HCN3: variants seen among roughly 807,000 people sequenced by gnomAD.
HCN3 encodes potassium/sodium hyperpolarization-activated cyclic nucleotide-gated channel 3.
Under a neutral mutation model 56.8 loss-of-function variants are expected in HCN3, and 36 were observed. The observed-to-expected ratio is 0.63, with a 90% CI of 0.49 to 0.84. The LOEUF (loss-of-function observed/expected upper bound fraction) is 0.84. HCN3 is among the 40% of genes least tolerant of loss of function. The pLI is 0.00. For synonymous variants in HCN3, 425 were observed against 439.7 expected (o/e 0.97, Z 0.42); for missense variants, 930 against 1,079.3 (o/e 0.86, Z 1.94).
rs1208414404 is a variant in HCN3, at chr1:155,289,417, G to A, written c.*954G>A. 6.6e-6 allele frequency: 1 copy of A among 152,236 alleles called. No homozygotes were observed. The highest frequency in any genetic ancestry group is 1.5e-5 in the Non-Finnish European group (1 of 68,056). The allele number at this position is 152,236 out of a possible 1,614,324, so 9.4% of individuals were successfully genotyped here. On this transcript the variant is annotated 3_prime_UTR_variant, in exon 8 of 8. Coordinates refer to ENST00000368358, the MANE Select transcript of HCN3 (RefSeq NM_020897.3). ...TAAGGAGACAGGAGGAGTAGGAGGAGGCAGGGCCTCTCCATGCCAGCCTCT... is the reference window on the plus strand; with the variant it reads ...TAAGGAGACAGGAGGAGTAGGAGGAAGCAGGGCCTCTCCATGCCAGCCTCT...
At chr1:155,286,026 C>G (rs1281947315) in intron 6 of HCN3, 62 bp downstream of exon 6, 1 of 1,525,102 alleles carries the variant, frequency 6.6e-7, no homozygotes, top group Non-Finnish European at 8.8e-7. Context: ...GCAACTGCTC[C>G]CAGGCTCTGG....
At chr1:155,287,591 G>T (rs745418806) in intron 7 of HCN3, among the ~76,000 whole-genome samples, 190 bp from the exon 8 acceptor site, 1 of 151,256 alleles carries the variant, frequency 6.6e-6, no homozygotes, top group Admixed American at 6.6e-5. Flanking sequence ...CCTGACCCTC[G>T]CTGTCTCTGA....
rs78333507 is a variant in HCN3 at position 155,287,879 on chromosome 1, A to G, written c.1741A>G (p.Met581Val). 5 of 1,614,042 alleles carry G rather than the reference A, an allele frequency of 3.1e-6. No individual in the cohort carries two copies. The Admixed American group carries it at 6.7e-5, about 22-fold the overall frequency. ...GCACTTGGTGCAACATGACAGAGAC[A>G]TGGCTCGGGGTGTTCGGGGTCGGGC... is the stretch of plus-strand genomic sequence containing the variant. ...EQHLVQHDRD[M>V]ARGVRGRAPS... is the part of the protein sequence containing the mutation. Residue 581 changes from methionine (M) to valine (V), a missense_variant, in exon 8 of 8, where the codon ATG becomes GTG. Transcript: ENST00000368358.
In HCN3 at chr1:155,288,477, A is replaced by T. The variant is rs1557952998; in HGVS notation, c.*14A>T. The T allele has an allele frequency of 3.2e-6, 5 of 1,570,262 alleles. No homozygotes were observed. The highest frequency in any genetic ancestry group is 4.3e-6 in the Non-Finnish European group (5 of 1,159,896). ...GCCAACATGTAAAACCTTTGAGTAC[A>T]TCCAGCCTTAGTTCTTGGGGTGCAG... On this transcript the variant is annotated 3_prime_UTR_variant, in exon 8 of 8. Transcript: ENST00000368358. The surrounding 1 kb of genome is among the most constrained non-coding windows in gnomAD (Gnocchi z 6.5).
chr1:155,287,824 T>G lies in HCN3; in HGVS notation c.1686T>G (p.Ser562Arg). The change falls in exon 8 of 8, where the codon AGT becomes AGG. Residue 562 changes from serine to arginine, a missense_variant. Physicochemically the swap from Ser to Arg is moderately radical, Grantham distance 110. Coordinates refer to ENST00000368358, the MANE Select transcript of HCN3 (RefSeq NM_020897.3). ...TGCAGCGGAAGCGCTCCGAGCCAAG[T>G]CCAGGCAGCAGTGGTGGCATCATGG... is the stretch of plus-strand genomic sequence containing the variant. ...SILQRKRSEP[S>R]PGSSGGIMEQ... 6.2e-7 allele frequency: 1 copy of G among 1,608,482 alleles called. No individual in the cohort carries two copies. Among genetic ancestry groups the G allele is most frequent in the Non-Finnish European group, 8.5e-7 (1 of 1,176,064 alleles).
Position 155,284,327 on chromosome 1 carries a change from AG to A in HCN3, c.870+194del. The A allele has an allele frequency of 1.2e-6, 1 of 847,598 alleles. No individual in the cohort carries two copies. Among genetic ancestry groups the A allele is most frequent in the Non-Finnish European group, 1.8e-6 (1 of 561,300 alleles). 52.5% of individuals were successfully genotyped at this position (847,598 alleles called of 1,614,324 possible). A position where few individuals can be genotyped will look rare whatever the true frequency, so the allele number is the denominator to read the frequency against. On this transcript the variant is annotated intron_variant, in intron 3 of 7. Transcript: ENST00000368358. The surrounding 1 kb of genome is among the most constrained non-coding windows in gnomAD (Gnocchi z 4.3). ...CTCGTGTGTTGGAGGGAGCAGGCAA[AG>A]GAAGGGTACCTACCCGGAAGCTGAG... is the stretch of plus-strand genomic sequence containing the variant.
Position 155,283,837 on chromosome 1 carries a change from G to A in HCN3, c.709-137G>A, listed in dbSNP as rs527717222. 5.1e-5 allele frequency: 43 copies of A among 848,416 alleles called. 1 individual carries two copies. The African/African-American group carries it at 6.0e-4, about 12-fold the overall frequency. 52.6% of individuals were successfully genotyped at this position (848,416 alleles called of 1,614,324 possible). A position where few individuals can be genotyped will look rare whatever the true frequency, so the allele number is the denominator to read the frequency against. On this transcript the variant is annotated intron_variant, in intron 2 of 7. Coordinates refer to ENST00000368358, the MANE Select transcript of HCN3 (RefSeq NM_020897.3). ...GTGTGCCACAAAACTCCACACAAATGAATAATAGTTGTATTTTTTAATTCA... is the reference window on the plus strand; with the variant it reads ...GTGTGCCACAAAACTCCACACAAATAAATAATAGTTGTATTTTTTAATTCA...
Position 155,287,935 on chromosome 1 carries a change from G to A in HCN3, c.1797G>A (p.Lys599=). ...APSTGAQLSG[K]PVLWEPLVHA... ...GCACAGGAGCTCAGCTTAGTGGAAAGCCAGTACTGTGGGAGCCACTGGTAC... is the reference window on the plus strand; with the variant it reads ...GCACAGGAGCTCAGCTTAGTGGAAAACCAGTACTGTGGGAGCCACTGGTAC... The change falls in exon 8 of 8, where the codon AAG becomes AAA. Residue 599 remains lysine (K), a synonymous_variant. Coordinates refer to ENST00000368358, the MANE Select transcript of HCN3 (RefSeq NM_020897.3). 6.2e-7 allele frequency: 1 copy of A among 1,614,062 alleles called. No individual in the cohort carries two copies. Among genetic ancestry groups the A allele is most frequent in the Non-Finnish European group, 8.5e-7 (1 of 1,180,016 alleles).
Position 155,285,138 on chromosome 1 carries a change from G to T in HCN3, c.1090-27G>T. On this transcript the variant is annotated intron_variant, in intron 4 of 7. Transcript: ENST00000368358. This position sits in a 1 kb window ranked among gnomAD's most constrained non-coding sequence, Gnocchi z 4.5. ...CCCAAATCTCTCCCTCTGTCCTCTT[G>T]CCCCTGGCAATGGGCTGGCCCTCCA... The T allele has an allele frequency of 6.2e-7, 1 of 1,609,586 alleles. No homozygotes were observed. The highest frequency in any genetic ancestry group is 1.1e-5 in the South Asian group (1 of 90,822).
chr1:155,280,072 G>C (rs907307594), intron 1 of HCN3, among the ~76,000 whole-genome samples: 1 of 151,650 alleles, frequency 6.6e-6, no homozygotes, highest in African/African-American at 2.4e-5. Context: ...TCAGCCTCCT[G>C]AGTAGCTGAG....
At position 155,282,986 on chromosome 1, in the gene HCN3, G is replaced by A. The variant is rs1413946072; in HGVS notation, c.708+146G>A. 8.7e-6 allele frequency: 7 copies of A among 805,536 alleles called. No individual in the cohort carries two copies. Among genetic ancestry groups the A allele is most frequent in the East Asian group, 2.7e-5 (1 of 37,348 alleles). The allele number at this position is 805,536 out of a possible 1,614,324, so 49.9% of individuals were successfully genotyped here. A position where few individuals can be genotyped will look rare whatever the true frequency, so the allele number is the denominator to read the frequency against. ...TGTGGGGAAGATGGGTGGGGCTTCC[G>A]TGCGTGAGCTCTCTCCAAAACTGGT... is the stretch of plus-strand genomic sequence containing the variant. On this transcript the variant is annotated intron_variant, in intron 2 of 7. Transcript: ENST00000368358. The surrounding 1 kb of genome is among the most constrained non-coding windows in gnomAD (Gnocchi z 4.7).
rs1362739946 is a variant in HCN3 at position 155,282,637 on chromosome 1, C to T, written c.505C>T (p.Leu169=). 1 of 1,614,256 alleles carries T rather than the reference C, an allele frequency of 6.2e-7. No homozygotes were observed. Among genetic ancestry groups the T allele is most frequent in the Non-Finnish European group, 8.5e-7 (1 of 1,180,054 alleles). The change falls in exon 2 of 8, where the codon CTG becomes TTG. Residue 169 remains leucine, a synonymous_variant. Coordinates refer to ENST00000368358, the MANE Select transcript of HCN3 (RefSeq NM_020897.3). The surrounding 1 kb of genome is among the most constrained non-coding windows in gnomAD (Gnocchi z 4.7). ...LAPRAIRTRY[L]RTWFLVDLIS... is the part of the protein sequence containing the mutation. ...ACCGCGGGCCATCCGCACGCGCTACCTGCGCACCTGGTTCCTGGTTGACCT... is the reference window on the plus strand; with the variant it reads ...ACCGCGGGCCATCCGCACGCGCTACTTGCGCACCTGGTTCCTGGTTGACCT...
rs1472181750 is a variant in HCN3 at position 155,282,654 on chromosome 1, G to A, written c.522G>A (p.Leu174=). 1 of 1,614,122 alleles carries A rather than the reference G, an allele frequency of 6.2e-7. No homozygotes were observed. Among genetic ancestry groups the A allele is most frequent in the East Asian group, 2.2e-5 (1 of 44,900 alleles). The change falls in exon 2 of 8, where the codon CTG becomes CTA. Residue 174 remains leucine, a synonymous_variant. Transcript: ENST00000368358. The surrounding 1 kb of genome is among the most constrained non-coding windows in gnomAD (Gnocchi z 4.7). ...CGCGCTACCTGCGCACCTGGTTCCT[G>A]GTTGACCTCATCTCTTCTATCCCTG... The part of the protein sequence containing the change: ...IRTRYLRTWF[L]VDLISSIPVD...
In HCN3 at chr1:155,288,620, G is replaced by T; in HGVS notation, c.*157G>T. The T allele has an allele frequency of 1.1e-6, 1 of 904,930 alleles. No homozygotes were observed. The highest frequency in any genetic ancestry group is 1.6e-6 in the Non-Finnish European group (1 of 616,088). 56.1% of individuals were successfully genotyped at this position (904,930 alleles called of 1,614,324 possible). ...GCATACTGCCATGAAGACGGTCTCT[G>T]TGTCCTCAGCTCAAGAATCCTGTAG... On this transcript the variant is annotated 3_prime_UTR_variant, in exon 8 of 8. Transcript: ENST00000368358. This position sits in a 1 kb window ranked among gnomAD's most constrained non-coding sequence, Gnocchi z 6.5.
Position 155,284,728 on chromosome 1 carries a change from G to C in HCN3, c.1060G>C (p.Asp354His), listed in dbSNP as rs750567790. Residue 354 changes from aspartate (D) to histidine (H), a missense_variant, in exon 4 of 8, where the codon GAC becomes CAC. Physicochemically the swap from Asp to His is moderately conservative, Grantham distance 81. Coordinates refer to ENST00000368358, the MANE Select transcript of HCN3 (RefSeq NM_020897.3). This position sits in a 1 kb window ranked among gnomAD's most constrained non-coding sequence, Gnocchi z 4.3. ...GHATALIQSL[D>H]SSRRQYQEKY... is the part of the protein sequence containing the mutation. ...TGCCACGGCACTCATCCAGTCCCTG[G>C]ACTCTTCCCGGCGTCAGTACCAGGA... 1.9e-6 allele frequency: 3 copies of C among 1,614,032 alleles called. No homozygotes were observed. The African/African-American group carries it at 4.0e-5, about 22-fold the overall frequency.
intron 1 of HCN3, among the ~76,000 whole-genome samples, chr1:155,280,357 A>T (rs1192740679): frequency 6.6e-6 from 1 of 151,512 alleles, no homozygotes; most frequent in Non-Finnish European, 1.5e-5. Context: ...CTTCACTCCC[A>T]GGTTCAAGCA....
Position 155,288,418 on chromosome 1 carries a change from T to A in HCN3, c.2280T>A (p.Pro760=). The stretch of plus-strand genomic sequence containing the variant: ...CCCAGCCCCCCAGGCCACCAGTGCC[T>A]GAGCCAGCCACACCCCGGGGTCTCC... The part of the protein sequence containing the change: ...RTAQPPRPPV[P]EPATPRGLQL... The change falls in exon 8 of 8, where the codon CCT becomes CCA. Residue 760 remains proline (P), a synonymous_variant. Coordinates refer to ENST00000368358, the MANE Select transcript of HCN3 (RefSeq NM_020897.3). This position sits in a 1 kb window ranked among gnomAD's most constrained non-coding sequence, Gnocchi z 6.5. The A allele has an allele frequency of 6.2e-7, 1 of 1,611,434 alleles. No individual in the cohort carries two copies. Among genetic ancestry groups the A allele is most frequent in the Non-Finnish European group, 8.5e-7 (1 of 1,178,982 alleles).
At position 155,280,459 on chromosome 1, in the gene HCN3, C is replaced by T. The variant is rs375233802; in HGVS notation, c.279-1952C>T. On this transcript the variant is annotated intron_variant, in intron 1 of 7. Coordinates refer to ENST00000368358, the MANE Select transcript of HCN3 (RefSeq NM_020897.3). ...TAATTTTTTTTTTTTTTTTTTGAGA[C>T]GGAGTCTCGCTCTGTCGCCCAGGCT... is the stretch of plus-strand genomic sequence containing the variant. Among the ~76,000 whole-genome samples, 70 of 136,968 alleles carry T rather than the reference C, an allele frequency of 5.1e-4. No homozygotes were observed. The South Asian group carries it at 7.0e-3, about 14-fold the overall frequency. 89.9% of individuals were successfully genotyped at this position (136,968 alleles called of 152,430 possible). A position where few individuals can be genotyped will look rare whatever the true frequency, so the allele number is the denominator to read the frequency against.
chr1:155,287,334 A>ATT lies in HCN3; in HGVS notation c.1640_1641insTT (p.Gly548SerfsTer70). On this transcript the variant is annotated frameshift_variant, in exon 7 of 8. Coordinates refer to ENST00000368358, the MANE Select transcript of HCN3 (RefSeq NM_020897.3). LOFTEE classifies it high-confidence loss of function. ...TGTGGCCATGGATCGGCTGCTCCGC[A>ATT]TCGGTGAGACCTGTCCACCCCATCT... 2 of 1,613,824 alleles carry ATT rather than the reference A, an allele frequency of 1.2e-6. No homozygotes were observed. The highest frequency in any genetic ancestry group is 1.7e-6 in the Non-Finnish European group (2 of 1,179,898).
Sources: gnomAD v4.1 joint callset for allele counts (sites outside exome capture counted in the v4.1 genomes callset) on GRCh38, gnomAD v4.1.1 for gene constraint, Gnocchi (gnomAD v3.1) non-coding constraint, MANE v1.5 for transcripts, NCBI Gene and HGNC (gene_info 2026-07-23, HGNC 2026-07-21) for gene names.